Variants in UPP2 observed in about 807,000 individuals in gnomAD.
UPP2 encodes the protein UPase 2.
UPP2 carries 23 observed loss-of-function variants against 26.7 expected under a neutral mutation model. The observed-to-expected ratio is 0.86, with a 90% CI of 0.62 to 1.22. UPP2 has a LOEUF of 1.22. Ranked by LOEUF, UPP2 falls within the 50% of genes most tolerant of loss-of-function variation. The pLI is 0.00. For synonymous variants in UPP2, 127 were observed against 141.3 expected (o/e 0.90, Z 0.72); for missense variants, 387 against 396.7 (o/e 0.98, Z 0.21).
At chr2:158,008,461 T>A (rs1683527793) in intron 2 of UPP2, among the ~76,000 whole-genome samples, 1 of 152,204 alleles carries the variant, frequency 6.6e-6, no homozygotes, top group Non-Finnish European at 1.5e-5. Flanking sequence ...TGGAGAGGAA[T>A]GTTATTTGAC....
upstream of UPP2, among the ~76,000 whole-genome samples, chr2:158,099,199 T>C (rs1318533049): frequency 6.6e-6 from 1 of 152,216 alleles, no homozygotes; most frequent in Non-Finnish European, 1.5e-5. Context: ...TTCATGCCTT[T>C]ATCTTCAGCA....
intron 4 of UPP2, among the ~76,000 whole-genome samples, chr2:158,119,218 G>C (rs1683507488): frequency 6.6e-6 from 1 of 152,030 alleles, no homozygotes; most frequent in Admixed American, 6.6e-5. Flanking sequence ...GTTACCACTT[G>C]ATATTAACAA....
chr2:158,115,626 C>T (rs1039934213), intron 3 of UPP2, among the ~76,000 whole-genome samples: 3 of 152,158 alleles, frequency 2.0e-5, no homozygotes, highest in Admixed American at 2.0e-4. Context: ...ATTTTCAGGA[C>T]TGCTAAAGTG....
At chr2:158,052,536 A>G (rs950642172) in intron 3 of UPP2, among the ~76,000 whole-genome samples, 1 of 152,228 alleles carries the variant, frequency 6.6e-6, no homozygotes, top group African/African-American at 2.4e-5. Flanking sequence ...GTAGCCATTC[A>G]TTATATGGGT....
chr2:158,019,041 T>C (rs756564617), intron 3 of UPP2, among the ~76,000 whole-genome samples: 2 of 152,230 alleles, frequency 1.3e-5, no homozygotes, highest in Non-Finnish European at 2.9e-5. Context: ...GGAAAGGGTA[T>C]ACATACTCTA....
chr2:157,999,158 G>A (rs1193517664), intron 2 of UPP2, among the ~76,000 whole-genome samples: 2 of 151,780 alleles, frequency 1.3e-5, no homozygotes, highest in South Asian at 2.1e-4. Flanking sequence ...GTTTGATTTG[G>A]GTCTTTTTGT....
At position 158,115,663 on chromosome 2, in the gene UPP2, G is replaced by A. The variant is rs563373013; in HGVS notation, c.339+404G>A. ...TGCTGTTTAACACCATAATAAGCTCGCTGAAAAGCTGCTAATGCATTTCTA... is the reference window on the plus strand; with the variant it reads ...TGCTGTTTAACACCATAATAAGCTCACTGAAAAGCTGCTAATGCATTTCTA... On this transcript the variant is annotated intron_variant, in intron 3 of 6. Transcript: ENST00000005756. 1.7e-4 allele frequency among the ~76,000 whole-genome samples: 26 copies of A among 152,266 alleles called. No homozygotes were observed. The East Asian group carries it at 4.1e-3, about 24-fold the overall frequency.
intron 3 of UPP2, among the ~76,000 whole-genome samples, chr2:158,071,550 C>CAAA (rs56926948): frequency 4.3e-4 from 28 of 65,472 alleles, no homozygotes; most frequent in East Asian, 1.0e-3. Flanking sequence ...GATTCTGTCT[C>CAAA]AAAAAAAAAA....
chr2:158,013,291 T>A lies in UPP2; in HGVS notation c.62-2510T>A, dbSNP rs140370351. On this transcript the variant is annotated intron_variant, in intron 2 of 9. Transcript: ENST00000605860. ...CATTACAGGCATGAGCCATCACACC[T>A]GGCCAATAATTCTTTTTCATGAATT... Among the ~76,000 whole-genome samples, 1,502 of 152,340 alleles carry A rather than the reference T, an allele frequency of 9.9e-3. 17 individuals are homozygous for A. The highest frequency in any genetic ancestry group is 0.015 in the Non-Finnish European group (1,005 of 68,030).
At chr2:157,999,164 T>G (rs1044858213) in intron 2 of UPP2, among the ~76,000 whole-genome samples, 1 of 152,012 alleles carries the variant, frequency 6.6e-6, no homozygotes, top group African/African-American at 2.4e-5. Flanking sequence ...TTTGGGTCTT[T>G]TTGTTGTTGT....
At chr2:158,098,034 T>C (rs1041553259), upstream of UPP2, among the ~76,000 whole-genome samples, 1 of 152,062 alleles carries the variant, frequency 6.6e-6, no homozygotes, top group African/African-American at 2.4e-5. Context: ...AAAATAAAGA[T>C]TTTAGATATG....
chr2:158,023,957 G>A (rs914820907), intron 3 of UPP2, among the ~76,000 whole-genome samples: 6 of 152,124 alleles, frequency 3.9e-5, no homozygotes, highest in Non-Finnish European at 7.3e-5. Context: ...GATTGCCTGC[G>A]TCAAAAGCAT....
intron 5 of UPP2, among the ~76,000 whole-genome samples, chr2:158,122,889 C>A (rs959656834): frequency 6.6e-6 from 1 of 151,888 alleles, no homozygotes; most frequent in Non-Finnish European, 1.5e-5. Flanking sequence ...GCACGCAGCT[C>A]TAATGAGAAG....
chr2:158,057,873 C>T (rs2105176207), intron 3 of UPP2, among the ~76,000 whole-genome samples: 1 of 152,034 alleles, frequency 6.6e-6, no homozygotes, highest in Admixed American at 6.6e-5. Context: ...TCCTGAAATC[C>T]ACAGTGTTGA....
intron 2 of UPP2, among the ~76,000 whole-genome samples, chr2:158,109,139 A>C (rs967993535): frequency 2.0e-5 from 3 of 152,120 alleles, no homozygotes; most frequent in Non-Finnish European, 4.4e-5. Flanking sequence ...ATCCCAGGGC[A>C]GCAGTCCTGG....
At chr2:158,078,649 G>C (rs572181350) in intron 3 of UPP2, among the ~76,000 whole-genome samples, 51 of 152,188 alleles carry the variant, frequency 3.4e-4, no homozygotes, top group African/African-American at 1.2e-3. Flanking sequence ...CAGGGGGATG[G>C]GAGTGGGGAT....
chr2:158,044,484 T>C (rs2105166248), intron 3 of UPP2, among the ~76,000 whole-genome samples: 1 of 151,784 alleles, frequency 6.6e-6, no homozygotes, highest in South Asian at 2.1e-4. Flanking sequence ...GCAAAGAGAG[T>C]CAGGTCAGCC....
intron 1 of UPP2, among the ~76,000 whole-genome samples, chr2:158,104,141 G>A (rs774472936): frequency 1.4e-4 from 22 of 152,136 alleles, no homozygotes; most frequent in Non-Finnish European, 2.5e-4. Flanking sequence ...CAGGGGATTC[G>A]CAGTCTTTCT....
At chr2:158,134,342 C>A (rs973673019) in intron 6 of UPP2, among the ~76,000 whole-genome samples, 3 of 152,192 alleles carry the variant, frequency 2.0e-5, no homozygotes, top group African/African-American at 7.2e-5. Flanking sequence ...AAAATGTCAC[C>A]TTGGGAATTA....
Sources: allele counts gnomAD v4.1 joint callset (sites outside exome capture counted in the v4.1 genomes callset), GRCh38; gene constraint gnomAD v4.1.1; transcripts MANE v1.5; gene names NCBI Gene and HGNC (gene_info 2026-07-23, HGNC 2026-07-21).